The following BDP1 variants were observed in gnomAD, a reference collection of about 807,000 sequenced individuals.
BDP1 encodes the protein BDP1 general transcription factor IIIB subunit, also known as transcription factor TFIIIB component B'' homolog.
Under a neutral mutation model 266.6 loss-of-function variants are expected in BDP1, and 169 were observed. That is an observed-to-expected ratio of 0.63 (90% CI 0.56 to 0.72). BDP1 has a LOEUF of 0.72. Among genes scored for constraint, BDP1 ranks in the 30% least tolerant of loss-of-function variants. The pLI is 0.00. For synonymous variants in BDP1, 1,090 were observed against 1,022.4 expected (o/e 1.07, Z -1.26); for missense variants, 3,015 against 3,053.8 (o/e 0.99, Z 0.30).
At chr5:71,501,096 CA>C (rs56336806) in intron 13 of BDP1, among the ~76,000 whole-genome samples, 64,451 of 135,674 alleles carry the variant, frequency 0.48, 14,074 homozygotes, top group South Asian at 0.57. Context: ...GACCCTGTCT[CA>C]AAAAAAAAAA....
intron 21 of BDP1, among the ~76,000 whole-genome samples, chr5:71,516,887 CTCTT>C (rs1256461600): frequency 6.6e-6 from 1 of 151,736 alleles, no homozygotes; most frequent in Non-Finnish European, 1.5e-5. Context: ...AACCAAAAAG[CTCTT>C]TCTTAAAAAA....
intron 38 of BDP1, among the ~76,000 whole-genome samples, chr5:71,563,130 C>T (rs936508974): frequency 6.6e-6 from 1 of 152,018 alleles, no homozygotes; most frequent in Non-Finnish European, 1.5e-5. Context: ...TTGCCAAAGT[C>T]GTGGGTTTTG....
At position 71,524,125 on chromosome 5, in the gene BDP1, T is replaced by C. The variant is rs893361950; in HGVS notation, c.5574T>C (p.Pro1858=). 6.2e-7 allele frequency: 1 copy of C among 1,614,190 alleles called. No individual in the cohort carries two copies. The highest frequency in any genetic ancestry group is 8.5e-7 in the Non-Finnish European group (1 of 1,180,032). Residue 1858 remains proline, a synonymous_variant, in exon 25 of 39, where the codon CCT becomes CCC. Transcript: ENST00000358731. ...GGGGTAAGACCTCTAAGAAGGAACCTAGAGCTTCCAAGGCCATGCTGGTGA... is the reference window on the plus strand; with the variant it reads ...GGGGTAAGACCTCTAAGAAGGAACCCAGAGCTTCCAAGGCCATGCTGGTGA... ...RVRGKTSKKE[P]RASKAMLVTL...
chr5:71,525,529 C>T (rs1182277287), intron 25 of BDP1, among the ~76,000 whole-genome samples: 1 of 121,378 alleles, frequency 8.2e-6, no homozygotes, highest in Non-Finnish European at 1.7e-5. Flanking sequence ...GGCGGCTGGC[C>T]GGGCGGGGGG....
chr5:71,490,361 A>G (rs1389517441), intron 10 of BDP1, among the ~76,000 whole-genome samples: 2 of 152,270 alleles, frequency 1.3e-5, no homozygotes, highest in East Asian at 3.9e-4. Flanking sequence ...GCATCTCAAT[A>G]TTATGCTCTT....
intron 3 of BDP1, among the ~76,000 whole-genome samples, chr5:71,462,771 T>A (rs1485859958): frequency 2.0e-5 from 3 of 150,520 alleles, no homozygotes; most frequent in African/African-American, 5.0e-5. Flanking sequence ...AAAAAAAAAA[T>A]GTTTTTTCTT....
intron 8 of BDP1, among the ~76,000 whole-genome samples, chr5:71,485,065 A>C (rs1180911737): frequency 6.6e-6 from 1 of 152,232 alleles, no homozygotes; most frequent in Admixed American, 6.5e-5. Flanking sequence ...AACACATTAT[A>C]GTCAGAAAAT....
At chr5:71,493,211 A>G (rs540942158) in intron 11 of BDP1, among the ~76,000 whole-genome samples, 1 of 152,204 alleles carries the variant, frequency 6.6e-6, no homozygotes, top group Non-Finnish European at 1.5e-5. Flanking sequence ...AGATACACCT[A>G]ATTTCATAAA....
intron 7 of BDP1, among the ~76,000 whole-genome samples, chr5:71,474,088 T>G (rs1269059854): frequency 6.6e-6 from 1 of 150,544 alleles, no homozygotes; most frequent in Non-Finnish European, 1.5e-5. Context: ...CATGCCATTC[T>G]CCTGCCTCAG....
At chr5:71,531,466 G>T (rs970183739) in intron 25 of BDP1, among the ~76,000 whole-genome samples, 4 of 151,978 alleles carry the variant, frequency 2.6e-5, no homozygotes, top group Non-Finnish European at 4.4e-5. Flanking sequence ...TTTGGGAGAA[G>T]GGAGTTGGTG....
intron 34 of BDP1, among the ~76,000 whole-genome samples, chr5:71,550,690 A>G (rs140263492): frequency 1.6e-4 from 25 of 152,286 alleles, no homozygotes; most frequent in African/African-American, 6.0e-4. Flanking sequence ...ATCGTGTAGC[A>G]TTAGAAATTG....
chr5:71,516,819 T>C (rs2150492311), intron 21 of BDP1, among the ~76,000 whole-genome samples: 1 of 152,288 alleles, frequency 6.6e-6, no homozygotes, highest in East Asian at 1.9e-4. Context: ...TCATTTTAGG[T>C]AGTTCTTATT....
chr5:71,461,605 C>T lies in BDP1; in HGVS notation c.490-212C>T, dbSNP rs117335927. Among the ~76,000 whole-genome samples, 10 of 152,190 alleles carry T rather than the reference C, an allele frequency of 6.6e-5. No individual in the cohort carries two copies. The East Asian group carries it at 1.4e-3, about 21-fold the overall frequency. The stretch of plus-strand genomic sequence containing the variant: ...CTTTAGCCTGGATGACAGAGCAAAA[C>T]CCCATCTCAAAAGTAGATAAATAAA... On this transcript the variant is annotated intron_variant, in intron 2 of 38. Transcript: ENST00000358731.
chr5:71,499,792 A>C (rs1438232719), intron 13 of BDP1, among the ~76,000 whole-genome samples: 1 of 152,076 alleles, frequency 6.6e-6, no homozygotes, highest in East Asian at 1.9e-4. Context: ...TTGTTTTTTT[A>C]ACTCTTGTAC....
chr5:71,474,961 C>T (rs1159363968), intron 7 of BDP1, among the ~76,000 whole-genome samples: 2 of 151,940 alleles, frequency 1.3e-5, no homozygotes, highest in Non-Finnish European at 2.9e-5. Flanking sequence ...TTAATTATTA[C>T]TGATTAAGGT....
At chr5:71,524,601 CT>C (rs903405860) in intron 25 of BDP1, among the ~76,000 whole-genome samples, 35 of 149,304 alleles carry the variant, frequency 2.3e-4, no homozygotes, top group Admixed American at 2.1e-3. Flanking sequence ...GATAATCTTT[CT>C]TTTTTTTTAT....
intron 6 of BDP1, among the ~76,000 whole-genome samples, chr5:71,467,850 A>G (rs1761997862): frequency 6.6e-6 from 1 of 151,990 alleles, no homozygotes; most frequent in Admixed American, 6.6e-5. Context: ...AAAAAAAATT[A>G]GAAAGTAGAG....
intron 1 of BDP1, among the ~76,000 whole-genome samples, chr5:71,457,314 T>G (rs1429381667): frequency 2.0e-5 from 3 of 151,660 alleles, no homozygotes; most frequent in African/African-American, 4.8e-5. Context: ...GTGGTTTTTT[T>G]TTTTTTTTTT....
chr5:71,535,979 A>G (rs937836804), intron 26 of BDP1, among the ~76,000 whole-genome samples: 1 of 152,146 alleles, frequency 6.6e-6, no homozygotes, highest in Non-Finnish European at 1.5e-5. Flanking sequence ...ACTTTGACAT[A>G]TCTTTCTAGG....
Sources: gnomAD v4.1 joint callset for allele counts (sites outside exome capture counted in the v4.1 genomes callset) on GRCh38, gnomAD v4.1.1 for gene constraint, MANE v1.5 for transcripts, NCBI Gene and HGNC (gene_info 2026-07-23, HGNC 2026-07-21) for gene names.